THEMIS: variants seen among roughly 807,000 people sequenced by gnomAD.
The protein encoded by THEMIS is protein THEMIS.
A neutral mutation model predicts 52.6 loss-of-function variants in THEMIS; 37 were observed. That is an observed-to-expected ratio of 0.70 (90% CI 0.54 to 0.93). The LOEUF (loss-of-function observed/expected upper bound fraction) is 0.93. THEMIS is among the 40% of genes least tolerant of loss of function. The pLI is 0.00. For synonymous variants in THEMIS, 292 were observed against 272.7 expected (o/e 1.07, Z -0.70); for missense variants, 808 against 763.1 (o/e 1.06, Z -0.69).
At chr6:127,897,505 A>G (rs1419047859) in intron 1 of THEMIS, among the ~76,000 whole-genome samples, 1 of 151,514 alleles carries the variant, frequency 6.6e-6, no homozygotes, top group Non-Finnish European at 1.5e-5. Context: ...CCTCTGCAAA[A>G]AAGAGTATTT....
rs192883904 is a variant in THEMIS, at chr6:127,862,756, A to G, written c.92-7568T>C. ...ATTCTATGCATTCTACCTAAATAAC[A>G]TACCGAGTAGTCTCCATGACAGAGA... On this transcript the variant is annotated intron_variant, in intron 1 of 5. Coordinates refer to ENST00000368248, the MANE Select transcript of THEMIS (RefSeq NM_001010923.3). Among the ~76,000 whole-genome samples, 13 of 152,100 alleles carry G rather than the reference A, an allele frequency of 8.5e-5. 1 individual carries two copies.
At chr6:127,877,238 C>G (rs534637380) in intron 1 of THEMIS, among the ~76,000 whole-genome samples, 1 of 152,220 alleles carries the variant, frequency 6.6e-6, no homozygotes. Flanking sequence ...CTATTCACAC[C>G]ACTAAAACTT....
intron 4 of THEMIS, among the ~76,000 whole-genome samples, chr6:127,775,521 T>A (rs1776536288): frequency 6.6e-6 from 1 of 152,128 alleles, no homozygotes; most frequent in Non-Finnish European, 1.5e-5. Context: ...TCAACCAAAT[T>A]ACAACCATAG....
At chr6:127,718,410 T>C (rs1187247002) in intron 5 of THEMIS, among the ~76,000 whole-genome samples, 1 of 151,880 alleles carries the variant, frequency 6.6e-6, no homozygotes. Context: ...TCAAAGCAGG[T>C]GCTGCTCTGG....
chr6:127,709,918 G>T lies in THEMIS; in HGVS notation c.*67C>A, dbSNP rs1427361418. On this transcript the variant is annotated 3_prime_UTR_variant, in exon 6 of 6. Coordinates refer to ENST00000368248, the MANE Select transcript of THEMIS (RefSeq NM_001010923.3). ...TTGGGGAATACTCGTTTTTCAGCTA[G>T]AAGGCTAGCTTCTTTTTTCACTGCA... 1.4e-6 allele frequency: 2 copies of T among 1,440,970 alleles called. No individual in the cohort carries two copies. The highest frequency in any genetic ancestry group is 1.9e-6 in the Non-Finnish European group (2 of 1,047,470). The allele number at this position is 1,440,970 out of a possible 1,614,324, so 89.3% of individuals were successfully genotyped here.
intron 2 of THEMIS, among the ~76,000 whole-genome samples, chr6:127,842,860 G>A (rs1288379909): frequency 6.6e-6 from 1 of 151,894 alleles, no homozygotes; most frequent in Non-Finnish European, 1.5e-5. Context: ...GGTCTTGGGG[G>A]TCAAAGACAA....
chr6:127,878,008 C>G (rs765319545), intron 1 of THEMIS, among the ~76,000 whole-genome samples: 13 of 152,192 alleles, frequency 8.5e-5, no homozygotes, highest in Non-Finnish European at 1.6e-4. Flanking sequence ...GGTGGCTACA[C>G]AACATGCAAA....
intron 4 of THEMIS, among the ~76,000 whole-genome samples, chr6:127,797,566 G>A (rs1777372194): frequency 6.6e-6 from 1 of 152,170 alleles, no homozygotes; most frequent in Admixed American, 6.5e-5. Context: ...ATGGGTCAAA[G>A]GCCAGCTCCT....
chr6:127,723,077 C>A (rs79841006), intron 4 of THEMIS, among the ~76,000 whole-genome samples: 4,188 of 152,054 alleles, frequency 0.028, 202 homozygotes, highest in African/African-American at 0.096. Flanking sequence ...TTTATTCTCT[C>A]CACTCCAGCC....
At chr6:127,868,157 C>G (rs1023506170) in intron 1 of THEMIS, among the ~76,000 whole-genome samples, 3 of 152,062 alleles carry the variant, frequency 2.0e-5, no homozygotes, top group African/African-American at 4.8e-5. Flanking sequence ...TTTTGAGCAT[C>G]AAATAAAATT....
rs535776748 is a variant in THEMIS, at chr6:127,778,781, C to A, written c.1758+34102G>T. Among the ~76,000 whole-genome samples, 229 of 149,032 alleles carry A rather than the reference C, an allele frequency of 1.5e-3. 1 individual carries two copies. The highest frequency in any genetic ancestry group is 5.0e-3 in the African/African-American group (204 of 40,752). ...TATGACAGTACTTCATCCAGTTCGA[C>A]TATACTGAAGTGTTTATTAAAGTCT... is the stretch of plus-strand genomic sequence containing the variant. On this transcript the variant is annotated intron_variant, in intron 4 of 5. Transcript: ENST00000368248.
chr6:127,785,262 T>TCATCTGTCTAC (rs58702039), intron 4 of THEMIS, among the ~76,000 whole-genome samples: 18 of 146,758 alleles, frequency 1.2e-4, no homozygotes, highest in Admixed American at 9.4e-4. Context: ...CATCTATCTA[T>TCATCTGTCTAC]TTATCACCTA....
At position 127,829,804 on chromosome 6, in the gene THEMIS, G is replaced by A. The variant is rs140613393; in HGVS notation, c.381C>T (p.Asn127=). 1.2e-6 allele frequency: 2 copies of A among 1,613,940 alleles called. No homozygotes were observed. Among genetic ancestry groups the A allele is most frequent in the African/African-American group, 1.3e-5 (1 of 74,908 alleles). ...TTTGCTCACCCTGCTTTATGATGAGGTTCTCTAGTTTTATATCCTTCTGAT... is the reference window on the plus strand; with the variant it reads ...TTTGCTCACCCTGCTTTATGATGAGATTCTCTAGTTTTATATCCTTCTGAT... ...FYHQKDIKLE[N]LIIKQGEQIM... Residue 127 remains asparagine (N), a synonymous_variant, in exon 3 of 6, where the codon AAC becomes AAT. Transcript: ENST00000368248.
chr6:127,738,832 A>AT (rs1775096815), intron 4 of THEMIS, among the ~76,000 whole-genome samples: 1 of 152,198 alleles, frequency 6.6e-6, no homozygotes. Flanking sequence ...ATATATAAAT[A>AT]TTCATATTGA....
At chr6:127,832,895 T>G (rs1778748458) in intron 2 of THEMIS, among the ~76,000 whole-genome samples, 1 of 149,994 alleles carries the variant, frequency 6.7e-6, no homozygotes, top group South Asian at 2.1e-4. Context: ...GTGATTCTCC[T>G]GCCTCAGCCT....
chr6:127,724,377 C>T (rs1483650364), intron 4 of THEMIS, among the ~76,000 whole-genome samples: 3 of 152,058 alleles, frequency 2.0e-5, no homozygotes. Flanking sequence ...AACACAGTGG[C>T]CCCTATTACC....
chr6:127,726,899 C>T (rs1438806595), intron 4 of THEMIS, among the ~76,000 whole-genome samples: 1 of 152,180 alleles, frequency 6.6e-6, no homozygotes, highest in Non-Finnish European at 1.5e-5. Flanking sequence ...CAAGGCTTAG[C>T]AAACACTTCT....
chr6:127,750,533 G>A (rs531740805), intron 4 of THEMIS, among the ~76,000 whole-genome samples: 7 of 151,718 alleles, frequency 4.6e-5, no homozygotes, highest in African/African-American at 1.4e-4. Flanking sequence ...ATTAATACAA[G>A]AGCTATTTTT....
In THEMIS at chr6:127,813,101, GA is replaced by G; in HGVS notation, c.1539del (p.Gln514SerfsTer2). On this transcript the variant is annotated frameshift_variant, in exon 4 of 6. Coordinates refer to ENST00000368248, the MANE Select transcript of THEMIS (RefSeq NM_001010923.3). LOFTEE classifies it high-confidence loss of function. ...EIPVGRLNMT[V>X]QLVSNFSRDA... ...TCCCTAGAGAAATTACTAACTAACT[GA>G]ACAGTCATATTCAAGCGGCCCACAG... 6.2e-7 allele frequency: 1 copy of G among 1,613,982 alleles called. No homozygotes were observed. The highest frequency in any genetic ancestry group is 8.5e-7 in the Non-Finnish European group (1 of 1,179,988).
Sources: gnomAD v4.1 joint callset for allele counts (sites outside exome capture counted in the v4.1 genomes callset) on GRCh38, gnomAD v4.1.1 for gene constraint, MANE v1.5 for transcripts, NCBI Gene and HGNC (gene_info 2026-07-23, HGNC 2026-07-21) for gene names.